Variants in RBFOX1 observed in about 807,000 individuals in gnomAD.
RBFOX1 encodes RNA binding fox-1 homolog 1.
RBFOX1 carries 8 observed loss-of-function variants against 57.7 expected under a neutral mutation model. The observed-to-expected ratio is 0.14, with a 90% CI of 0.08 to 0.25. The LOEUF is 0.25. Ranked by LOEUF, RBFOX1 falls within the 10% of genes least tolerant of loss-of-function variation. RBFOX1 has a pLI of 1.00. For missense variants in RBFOX1, 611 were observed against 548.5 expected (o/e 1.11, Z -1.14); for synonymous variants, 326 against 222.4 (o/e 1.47, Z -4.15).
At chr16:6,463,754 A>C (rs1245182605) in intron 2 of RBFOX1, among the ~76,000 whole-genome samples, 2 of 152,188 alleles carry the variant, frequency 1.3e-5, no homozygotes, top group Admixed American at 6.5e-5. Context: ...AACCGCCCCA[A>C]GTTTCATCTT....
intron 2 of RBFOX1, among the ~76,000 whole-genome samples, chr16:6,523,869 A>G (rs2153807145): frequency 6.6e-6 from 1 of 152,232 alleles, no homozygotes; most frequent in Non-Finnish European, 1.5e-5. Flanking sequence ...TTTATATTTA[A>G]TTTTTATGAG....
intron 3 of RBFOX1, among the ~76,000 whole-genome samples, chr16:5,676,631 C>T (rs531201248): frequency 5.1e-4 from 78 of 152,264 alleles, no homozygotes; most frequent in African/African-American, 1.3e-3. Context: ...GAGGCTGAAG[C>T]AGGAAGATCA....
At chr16:7,049,735 C>G (rs2153725495) in intron 3 of RBFOX1, among the ~76,000 whole-genome samples, 1 of 152,210 alleles carries the variant, frequency 6.6e-6, no homozygotes, top group East Asian at 1.9e-4. Context: ...TCAAATAGCT[C>G]CCCCATGCAT....
At chr16:6,562,880 C>CTTTCTTTTT (rs746999419) in intron 2 of RBFOX1, among the ~76,000 whole-genome samples, 51 of 51,772 alleles carry the variant, frequency 9.9e-4, no homozygotes, top group East Asian at 3.6e-3. Flanking sequence ...TTCTTTCTTT[C>CTTTCTTTTT]TTTTTTTTTT....
intron 3 of RBFOX1, among the ~76,000 whole-genome samples, chr16:5,761,343 C>T (rs979871516): frequency 1.3e-5 from 2 of 152,188 alleles, no homozygotes; most frequent in Admixed American, 1.3e-4. Context: ...AGAGATAGAT[C>T]TGGCCTTGCT....
intron 3 of RBFOX1, among the ~76,000 whole-genome samples, chr16:6,921,705 G>T (rs563088135): frequency 1.6e-4 from 24 of 151,368 alleles, no homozygotes; most frequent in Middle Eastern, 6.8e-3. Flanking sequence ...AGAGGTGATG[G>T]AAAGTTATAC....
At chr16:6,757,097 C>G (rs531160223) in intron 3 of RBFOX1, among the ~76,000 whole-genome samples, 30 of 152,132 alleles carry the variant, frequency 2.0e-4, no homozygotes, top group African/African-American at 7.2e-4. Context: ...ACCTCAATGA[C>G]GTATAATTTC....
intron 4 of RBFOX1, among the ~76,000 whole-genome samples, chr16:7,284,312 G>A (rs2095606393): frequency 6.6e-6 from 1 of 152,142 alleles, no homozygotes; most frequent in Non-Finnish European, 1.5e-5. Flanking sequence ...GCTGGATTGA[G>A]AAGTATGTTT....
intron 4 of RBFOX1, among the ~76,000 whole-genome samples, chr16:7,264,448 C>G (rs1249484001): frequency 6.6e-6 from 1 of 152,172 alleles, no homozygotes; most frequent in Non-Finnish European, 1.5e-5. Flanking sequence ...CTTGCTCAAA[C>G]TCACAAAGCT....
At chr16:6,820,193 C>T (rs758097588) in intron 3 of RBFOX1, among the ~76,000 whole-genome samples, 2 of 152,170 alleles carry the variant, frequency 1.3e-5, no homozygotes, top group Admixed American at 6.5e-5. Flanking sequence ...CACCTTCCAT[C>T]GTGATTGTGA....
intron 3 of RBFOX1, among the ~76,000 whole-genome samples, chr16:6,697,113 A>G (rs1474843292): frequency 6.6e-6 from 1 of 152,208 alleles, no homozygotes; most frequent in East Asian, 1.9e-4. Context: ...AAGAAAAATC[A>G]TATGAATTGC....
At chr16:5,839,156 G>A (rs914930797) in intron 3 of RBFOX1, among the ~76,000 whole-genome samples, 1 of 152,188 alleles carries the variant, frequency 6.6e-6, no homozygotes, top group African/African-American at 2.4e-5. Flanking sequence ...ACTAGAAGTA[G>A]ATACAAATTA....
chr16:5,909,529 G>T (rs1265699033), intron 4 of RBFOX1, among the ~76,000 whole-genome samples: 4 of 152,206 alleles, frequency 2.6e-5, no homozygotes, highest in Admixed American at 1.3e-4. Context: ...ACTTTGACAG[G>T]TGCAGGAGGC....
At chr16:6,904,988 A>G (rs2069464381) in intron 3 of RBFOX1, among the ~76,000 whole-genome samples, 1 of 152,198 alleles carries the variant, frequency 6.6e-6, no homozygotes, top group African/African-American at 2.4e-5. Context: ...CCAGTCTGTC[A>G]GAGGTGCTGT....
At chr16:7,344,287 A>G (rs1034829129) in intron 4 of RBFOX1, among the ~76,000 whole-genome samples, 4 of 150,988 alleles carry the variant, frequency 2.6e-5, no homozygotes, top group African/African-American at 9.7e-5. Context: ...TACTTAAAAT[A>G]GTAAATCCAA....
chr16:7,049,558 G>T (rs1301795238), intron 3 of RBFOX1, among the ~76,000 whole-genome samples: 3 of 152,144 alleles, frequency 2.0e-5, no homozygotes, highest in African/African-American at 7.2e-5. Flanking sequence ...TGCTTCTCCT[G>T]AGTCTTTATA....
intron 3 of RBFOX1, among the ~76,000 whole-genome samples, chr16:5,783,340 A>G (rs1473284743): frequency 1.3e-5 from 2 of 152,132 alleles, no homozygotes; most frequent in Admixed American, 1.3e-4. Flanking sequence ...GTTTGTACCA[A>G]TCTGTGGTAA....
intron 4 of RBFOX1, among the ~76,000 whole-genome samples, chr16:7,201,836 C>T (rs1423925269): frequency 6.6e-6 from 1 of 152,102 alleles, no homozygotes; most frequent in Non-Finnish European, 1.5e-5. Context: ...TTAGGAAGCT[C>T]ATTTGGGCAG....
At chr16:6,918,338 C>G (rs995816605) in intron 3 of RBFOX1, among the ~76,000 whole-genome samples, 11 of 151,378 alleles carry the variant, frequency 7.3e-5, no homozygotes, top group Non-Finnish European at 1.5e-4. Flanking sequence ...CCTACCGAAT[C>G]AGACCACTGG....
Sources: allele counts gnomAD v4.1 joint callset (sites outside exome capture counted in the v4.1 genomes callset), GRCh38; gene constraint gnomAD v4.1.1; transcripts MANE v1.5; gene names NCBI Gene and HGNC (gene_info 2026-07-23, HGNC 2026-07-21).